FARS2: variants seen among roughly 807,000 people sequenced by gnomAD.
FARS2 encodes the protein phenylalanyl-tRNA synthetase 2, mitochondrial, also known as phenylalanine--tRNA ligase, mitochondrial.
Under a neutral mutation model 46.4 loss-of-function variants are expected in FARS2, and 40 were observed. The ratio of observed to expected loss-of-function variants is 0.86; its 90% CI spans 0.67 to 1.12. The LOEUF is 1.12. Ranked by LOEUF, FARS2 falls within the 50% of genes most tolerant of loss-of-function variation. FARS2 has a pLI of 0.00. For missense variants in FARS2, 513 were observed against 567.9 expected, an observed-to-expected ratio of 0.90 and a Z score of 0.98; for synonymous variants, 234 against 214.9, an observed-to-expected ratio of 1.09 and a Z score of -0.78.
intron 1 of FARS2, among the ~76,000 whole-genome samples, chr6:5,288,592 G>A (rs987027678): frequency 1.3e-5 from 2 of 152,200 alleles, no homozygotes; most frequent in African/African-American, 4.8e-5. Flanking sequence ...TTGAATATAT[G>A]TGGTTGGATT....
At chr6:5,749,406 C>T (rs1761821883) in intron 6 of FARS2, among the ~76,000 whole-genome samples, 1 of 152,218 alleles carries the variant, frequency 6.6e-6, no homozygotes, top group Admixed American at 6.5e-5. Context: ...GTGGGGAGGA[C>T]CAGAAACAGA....
rs145737679 is a variant in FARS2 at position 5,641,816 on chromosome 6, C to T, written c.1217+28496C>T. 5.6e-4 allele frequency among the ~76,000 whole-genome samples: 85 copies of T among 152,322 alleles called. 2 individuals carry two copies. In the Middle Eastern group the frequency reaches 0.01, roughly 18 times the overall value. ...TACACCGAGGCCTCTGGGCAAACAC[C>T]TCTAAGATGCTTCTCAAGGCTACTT... is the stretch of plus-strand genomic sequence containing the variant. On this transcript the variant is annotated intron_variant, in intron 6 of 6. Transcript: ENST00000274680.
chr6:5,262,990 G>A (rs1279439658), intron 1 of FARS2, among the ~76,000 whole-genome samples: 2 of 152,280 alleles, frequency 1.3e-5, no homozygotes, highest in East Asian at 3.9e-4. Context: ...ACACTATTGT[G>A]TGCCAGTGAT....
At chr6:5,721,876 C>T (rs146848039) in intron 6 of FARS2, among the ~76,000 whole-genome samples, 18 of 152,346 alleles carry the variant, frequency 1.2e-4, no homozygotes, top group African/African-American at 3.8e-4. Flanking sequence ...GTTCAGCTCA[C>T]AGTTGAATCT....
At chr6:5,385,714 A>G (rs114497131) in intron 2 of FARS2, among the ~76,000 whole-genome samples, 2,762 of 152,176 alleles carry the variant, frequency 0.018, 85 homozygotes, top group African/African-American at 0.064. Flanking sequence ...GTGAGCCACC[A>G]CGCCCAGCTG....
intron 6 of FARS2, among the ~76,000 whole-genome samples, chr6:5,700,909 TA>T (rs971668090): frequency 6.6e-6 from 1 of 152,248 alleles, no homozygotes; most frequent in African/African-American, 2.4e-5. Flanking sequence ...CCTATTGTTG[TA>T]AAACCTTACC....
intron 5 of FARS2, chr6:5,610,300 T>C: frequency 2.5e-6 from 1 of 403,826 alleles, no homozygotes. Flanking sequence ...GATGCCCTTT[T>C]CAATTCTTTT....
intron 1 of FARS2, among the ~76,000 whole-genome samples, chr6:5,313,078 A>G (rs1296071276): frequency 6.6e-6 from 1 of 152,190 alleles, no homozygotes; most frequent in Non-Finnish European, 1.5e-5. Flanking sequence ...AGAACAACCT[A>G]ATCAGCAAAG....
chr6:5,537,835 C>T (rs555990693), intron 4 of FARS2, among the ~76,000 whole-genome samples: 6 of 152,252 alleles, frequency 3.9e-5, no homozygotes, highest in Admixed American at 1.3e-4. Flanking sequence ...TCTCACTGTC[C>T]TCTTTTCTAT....
chr6:5,750,997 G>C (rs1037359422), intron 6 of FARS2, among the ~76,000 whole-genome samples: 1 of 152,010 alleles, frequency 6.6e-6, no homozygotes, highest in African/African-American at 2.4e-5. Context: ...GGTGAACTTC[G>C]TAAATATAAT....
intron 1 of FARS2, among the ~76,000 whole-genome samples, chr6:5,263,486 A>G (rs1162083187): frequency 1.3e-5 from 2 of 152,240 alleles, no homozygotes; most frequent in Non-Finnish European, 2.9e-5. Context: ...CCGTAGCTAC[A>G]TCTCACTTTT....
chr6:5,377,800 A>C (rs1759479184), intron 2 of FARS2, among the ~76,000 whole-genome samples: 1 of 152,194 alleles, frequency 6.6e-6, no homozygotes, highest in South Asian at 2.1e-4. Context: ...GAGTGTTAAA[A>C]TGCAATTTCT....
Position 5,490,999 on chromosome 6 carries a change from G to T in FARS2, c.905-54181G>T, listed in dbSNP as rs538324531. 1.4e-4 allele frequency among the ~76,000 whole-genome samples: 21 copies of T among 152,312 alleles called. No homozygotes were observed. In the South Asian group the frequency reaches 2.3e-3, roughly 17 times the overall value. On this transcript the variant is annotated intron_variant, in intron 4 of 6. Transcript: ENST00000274680. ...CTGTGTGAGATAATTAATGTTTGTTGTTTTAAGCTTCAAAGTTTGGGGATA... is the reference window on the plus strand; with the variant it reads ...CTGTGTGAGATAATTAATGTTTGTTTTTTTAAGCTTCAAAGTTTGGGGATA...
chr6:5,637,198 C>T (rs924779923), intron 6 of FARS2, among the ~76,000 whole-genome samples: 13 of 152,188 alleles, frequency 8.5e-5, no homozygotes, highest in African/African-American at 1.4e-4. Flanking sequence ...CCAAGTCAGA[C>T]GAGGCTCTCC....
intron 6 of FARS2, among the ~76,000 whole-genome samples, chr6:5,637,078 C>T (rs1026117035): frequency 6.6e-6 from 1 of 152,212 alleles, no homozygotes; most frequent in African/African-American, 2.4e-5. Flanking sequence ...TAGGAAGAAA[C>T]CAGGATCCAG....
intron 5 of FARS2, among the ~76,000 whole-genome samples, chr6:5,590,255 ATGAGGCTGG>A (rs1773837600): frequency 6.6e-6 from 1 of 152,208 alleles, no homozygotes; most frequent in Non-Finnish European, 1.5e-5. Context: ...AACACATTGC[ATGAGGCTGG>A]TAGCAGTGTT....
chr6:5,403,982 T>C (rs1300577476), intron 2 of FARS2, among the ~76,000 whole-genome samples: 1 of 152,254 alleles, frequency 6.6e-6, no homozygotes, highest in Admixed American at 6.5e-5. Flanking sequence ...TAAAATCTAC[T>C]AATTTACTAT....
chr6:5,392,735 T>TACACAC (rs10526282), intron 2 of FARS2, among the ~76,000 whole-genome samples: 20 of 142,372 alleles, frequency 1.4e-4, no homozygotes, highest in Admixed American at 5.1e-4. Flanking sequence ...TATATATATA[T>TACACAC]ACACACACAC....
At chr6:5,503,890 A>G (rs960513217) in intron 4 of FARS2, among the ~76,000 whole-genome samples, 2 of 152,206 alleles carry the variant, frequency 1.3e-5, no homozygotes, top group Non-Finnish European at 2.9e-5. Flanking sequence ...CACTGTAACT[A>G]TGCTACACTG....
Sources: allele counts gnomAD v4.1 joint callset (sites outside exome capture counted in the v4.1 genomes callset), GRCh38; gene constraint gnomAD v4.1.1; transcripts MANE v1.5; gene names NCBI Gene and HGNC (gene_info 2026-07-23, HGNC 2026-07-21).